The following BPTF variants were observed in gnomAD, a reference collection of about 807,000 sequenced individuals.
BPTF encodes the protein bromodomain PHD finger transcription factor, also known as nucleosome-remodeling factor subunit BPTF.
Under a neutral mutation model 292.5 loss-of-function variants are expected in BPTF, and 18 were observed. The observed-to-expected ratio is 0.06, with a 90% CI of 0.04 to 0.09. The LOEUF (loss-of-function observed/expected upper bound fraction) is 0.09, where lower values mean the gene tolerates loss of function less well. Ranked by LOEUF, BPTF falls within the 10% of genes least tolerant of loss-of-function variation. The pLI, the probability that BPTF is intolerant of heterozygous loss-of-function variation, is 1.00. For synonymous variants in BPTF, 1,225 were observed against 1,251.9 expected, an observed-to-expected ratio of 0.98 and a Z score of 0.45; for missense variants, 2,726 against 3,498.7, an observed-to-expected ratio of 0.78 and a Z score of 5.57.
intron 1 of BPTF, among the ~76,000 whole-genome samples, chr17:67,832,255 T>TAA (rs916556093): frequency 2.0e-5 from 3 of 146,344 alleles, no homozygotes; most frequent in Admixed American, 6.8e-5. Context: ...TTTCTTAATT[T>TAA]AAAAAAAAAA....
chr17:67,840,277 T>A (rs745312801), intron 1 of BPTF, among the ~76,000 whole-genome samples: 1 of 152,108 alleles, frequency 6.6e-6, no homozygotes. Context: ...GCTAATTTTT[T>A]ATTTTTATTT....
intron 23 of BPTF, among the ~76,000 whole-genome samples, chr17:67,952,995 C>T (rs1171006516): frequency 6.6e-6 from 1 of 152,082 alleles, no homozygotes; most frequent in African/African-American, 2.4e-5. Flanking sequence ...GAGTCTTGCT[C>T]TGTCGCCCAG....
chr17:67,881,852 G>GTTTTTTT (rs1280950839), intron 4 of BPTF, among the ~76,000 whole-genome samples: 1 of 38,404 alleles, frequency 2.6e-5, no homozygotes, highest in Admixed American at 4.8e-4. Context: ...GGGATTTTGG[G>GTTTTTTT]TTTTTGTTTT....
chr17:67,896,005 C>T (rs1488265810), intron 7 of BPTF, among the ~76,000 whole-genome samples: 1 of 150,884 alleles, frequency 6.6e-6, no homozygotes, highest in Non-Finnish European at 1.5e-5. Flanking sequence ...GCTCTGTCAC[C>T]CAGGCTGGAG....
intron 27 of BPTF, among the ~76,000 whole-genome samples, chr17:67,977,001 T>A (rs1284533817): frequency 6.6e-6 from 1 of 152,182 alleles, no homozygotes; most frequent in Admixed American, 6.5e-5. Flanking sequence ...AACTCTTAGA[T>A]AAAACCGACA....
chr17:67,965,020 A>AG (rs2067936226), intron 25 of BPTF: 1 of 147,982 alleles, frequency 6.8e-6, no homozygotes, highest in Non-Finnish European at 1.5e-5. Context: ...AAAAAAAAAA[A>AG]GATTATAGTT....
In BPTF at chr17:67,947,368, T is replaced by C. The variant is rs371208910; in HGVS notation, c.7618-358T>C. ...TGGGAAGAAAGCATAATGTTAAAAATACGGCCTTTGGAGAAGGATAGCCAG... is the reference window on the plus strand; with the variant it reads ...TGGGAAGAAAGCATAATGTTAAAAACACGGCCTTTGGAGAAGGATAGCCAG... On this transcript the variant is annotated intron_variant, in intron 21 of 27. Coordinates refer to ENST00000306378, the MANE Select transcript of BPTF (RefSeq NM_182641.4). Among the ~76,000 whole-genome samples the C allele has an allele frequency of 2.1e-4, 32 of 152,352 alleles. 2 individuals are homozygous for C. The South Asian group carries it at 6.4e-3, about 31-fold the overall frequency.
At chr17:67,878,520 T>G (rs1238189707) in intron 4 of BPTF, among the ~76,000 whole-genome samples, 6 of 152,242 alleles carry the variant, frequency 3.9e-5, no homozygotes, top group African/African-American at 1.4e-4. Flanking sequence ...ATGAGAGTTC[T>G]AGCTCCTCTG....
chr17:67,948,287 A>T lies in BPTF; in HGVS notation c.7907A>T (p.Asp2636Val). ...AAGAAGAGAGCACTCCTGGACAAGG[A>T]TCTGCAAATTGAAGTGCAGGTAAGA... ...ILKKRALLDKDLQIEVQEELK... is the reference protein window; with the variant it reads ...ILKKRALLDKVLQIEVQEELK... The change falls in exon 23 of 28, where the codon GAT (aspartate) becomes GTT (valine). Residue 2636 changes from aspartate to valine, a missense_variant. Physicochemically the swap from Asp to Val is radical, Grantham distance 152 (BLOSUM62 -3). Coordinates refer to ENST00000306378, the MANE Select transcript of BPTF (RefSeq NM_182641.4). 6.2e-7 allele frequency: 1 copy of T among 1,613,406 alleles called. No homozygotes were observed. The highest frequency in any genetic ancestry group is 8.5e-7 in the Non-Finnish European group (1 of 1,179,808).
At chr17:67,839,323 TAA>T (rs940592506) in intron 1 of BPTF, among the ~76,000 whole-genome samples, 1 of 152,114 alleles carries the variant, frequency 6.6e-6, no homozygotes, top group African/African-American at 2.4e-5. Context: ...TTTTTTTTCC[TAA>T]GTTTTTTTTT....
chr17:67,905,137 C>T (rs539763942), intron 9 of BPTF, among the ~76,000 whole-genome samples: 48 of 152,232 alleles, frequency 3.2e-4, no homozygotes, highest in Non-Finnish European at 5.9e-4. Flanking sequence ...CAGCCAGGCG[C>T]GGTGGTTCAC....
chr17:67,943,520 T>A (rs1330808812), intron 19 of BPTF, among the ~76,000 whole-genome samples: 1 of 152,182 alleles, frequency 6.6e-6, no homozygotes, highest in Non-Finnish European at 1.5e-5. Flanking sequence ...GTGATCCTCC[T>A]TACTTGGTGT....
At chr17:67,929,293 A>G in intron 16 of BPTF, 43 bp from the exon 17 acceptor site, 2 of 1,609,894 alleles carry the variant, frequency 1.2e-6, no homozygotes, top group Non-Finnish European at 1.7e-6. Flanking sequence ...AATGCTTTCC[A>G]ATAAAGTGAT....
intron 23 of BPTF, among the ~76,000 whole-genome samples, chr17:67,948,525 A>C (rs1359490342): frequency 1.3e-5 from 2 of 152,108 alleles, no homozygotes; most frequent in Non-Finnish European, 2.9e-5. Context: ...CAGACTAGCA[A>C]CTCTGAGAGG....
At chr17:67,981,075 C>T (rs780718291) in intron 27 of BPTF, among the ~76,000 whole-genome samples, 1 of 152,112 alleles carries the variant, frequency 6.6e-6, no homozygotes, top group East Asian at 1.9e-4. Flanking sequence ...AGGAGGATCA[C>T]CTGAGCCCTG....
intron 4 of BPTF, among the ~76,000 whole-genome samples, chr17:67,876,074 G>C (rs1460735835): frequency 6.6e-6 from 1 of 152,150 alleles, no homozygotes; most frequent in Non-Finnish European, 1.5e-5. Flanking sequence ...AATGTTGAAT[G>C]ATCTGACCTT....
chr17:67,870,261 CTTTT>C (rs374215070), intron 3 of BPTF, among the ~76,000 whole-genome samples: 1 of 133,584 alleles, frequency 7.5e-6, no homozygotes. Context: ...TCTTTCTTTC[CTTTT>C]TTTTTTTTTT....
chr17:67,870,055 AC>A (rs2059630617), intron 3 of BPTF, among the ~76,000 whole-genome samples: 1 of 151,618 alleles, frequency 6.6e-6, no homozygotes, highest in South Asian at 2.1e-4. Context: ...GTAATGGGGA[AC>A]AACAAAGAGA....
Position 67,958,581 on chromosome 17 carries a change from T to A in BPTF, c.7927-960T>A, listed in dbSNP as rs145159772. ...TGTCCCTACTAAAAATACAAAAAAT[T>A]AGCTGGGTATGGTGGTGGGTGCCTG... On this transcript the variant is annotated intron_variant, in intron 23 of 27. Transcript: ENST00000306378. 4.9e-3 allele frequency among the ~76,000 whole-genome samples: 746 copies of A among 151,826 alleles called. 7 individuals carry two copies. The highest frequency in any genetic ancestry group is 0.016 in the African/African-American group (679 of 41,370).
Sources: allele counts gnomAD v4.1 joint callset (sites outside exome capture counted in the v4.1 genomes callset), GRCh38; gene constraint gnomAD v4.1.1; transcripts MANE v1.5; gene names NCBI Gene and HGNC (gene_info 2026-07-23, HGNC 2026-07-21).